Variants in GXYLT1 observed in about 807,000 individuals in gnomAD.
The protein encoded by GXYLT1 is glucoside xylosyltransferase 1.
GXYLT1 carries 29 observed loss-of-function variants against 54.0 expected under a neutral mutation model. That is an observed-to-expected ratio of 0.54 (90% CI 0.40 to 0.73). The LOEUF (loss-of-function observed/expected upper bound fraction) is 0.73. Among genes scored for constraint, GXYLT1 ranks in the 30% least tolerant of loss-of-function variants. The probability of loss-of-function intolerance (pLI) is 0.00; values close to 1 mark genes in which losing one functional copy is unlikely to be tolerated. For synonymous variants in GXYLT1, 176 were observed against 204.1 expected, an observed-to-expected ratio of 0.86 and a Z score of 1.17; for missense variants, 490 against 553.4, an observed-to-expected ratio of 0.89 and a Z score of 1.15.
At position 42,097,829 on chromosome 12, in the gene GXYLT1, C is replaced by T. The variant is rs368976930; in HGVS notation, c.988+81G>A. ...AATAATCATTAATATAAGACAGAAT[C>T]AGATAAGTGCATGTTTTCCTTTTTC... On this transcript the variant is annotated intron_variant, in intron 6 of 7. Coordinates refer to ENST00000398675, the MANE Select transcript of GXYLT1 (RefSeq NM_173601.2). 6.6e-5 allele frequency: 73 copies of T among 1,112,336 alleles called. No homozygotes were observed. In the African/African-American group the frequency reaches 1.1e-3, roughly 16 times the overall value. The allele number at this position is 1,112,336 out of a possible 1,614,324, so 68.9% of individuals were successfully genotyped here. A position where few individuals can be genotyped will look rare whatever the true frequency, so the allele number is the denominator to read the frequency against.
At chr12:42,141,533 T>C (rs558847419) in intron 1 of GXYLT1, among the ~76,000 whole-genome samples, 6 of 151,994 alleles carry the variant, frequency 3.9e-5, no homozygotes, top group South Asian at 4.1e-4. Flanking sequence ...AGTAGATCTT[T>C]AGTGCTTTCA....
intron 3 of GXYLT1, among the ~76,000 whole-genome samples, chr12:42,115,880 T>C (rs1406395033): frequency 3.1e-5 from 4 of 129,718 alleles, no homozygotes; most frequent in Admixed American, 7.8e-5. Context: ...CTTCAAACTA[T>C]ACTACAAGGC....
Position 42,105,855 on chromosome 12 carries a change from A to G in GXYLT1, c.827T>C (p.Leu276Ser). Residue 276 changes from leucine (L) to serine (S), a missense_variant, in exon 5 of 8, where the codon TTG (leucine) becomes TCG (serine). Coordinates refer to ENST00000398675, the MANE Select transcript of GXYLT1 (RefSeq NM_173601.2). ...GKTGVNSGVM[L>S]MNMTRMRRKY... ...CCTTCTCATTCGAGTCATGTTCATC[A>G]ACATAACTCCAGAGTTTACTCCAGT... is the stretch of plus-strand genomic sequence containing the variant. 1 of 1,613,320 alleles carries G rather than the reference A, an allele frequency of 6.2e-7. No homozygotes were observed. Among genetic ancestry groups the G allele is most frequent in the East Asian group, 2.2e-5 (1 of 44,848 alleles).
Position 42,106,077 on chromosome 12 carries a change from GA to G in GXYLT1, c.613-9del, listed in dbSNP as rs763218838. The G allele has an allele frequency of 1.4e-4, 196 of 1,436,668 alleles. No homozygotes were observed. Among genetic ancestry groups the G allele is most frequent in the Non-Finnish European group, 1.7e-4 (190 of 1,085,940 alleles). 89.0% of individuals were successfully genotyped at this position (1,436,668 alleles called of 1,614,324 possible). ...AACTTCTTTCAGGATTAACTACAAG[GA>G]GAGATATTTGAATGATTAACTATAA... On this transcript the variant is annotated splice_polypyrimidine_tract_variant and intron_variant, in intron 4 of 7. Coordinates refer to ENST00000398675, the MANE Select transcript of GXYLT1 (RefSeq NM_173601.2).
In GXYLT1 at chr12:42,109,646, G is replaced by A. The variant is rs865867684; in HGVS notation, c.532C>T (p.Pro178Ser). 3 of 1,576,204 alleles carry A rather than the reference G, an allele frequency of 1.9e-6. No individual in the cohort carries two copies. The highest frequency in any genetic ancestry group is 2.6e-6 in the Non-Finnish European group (3 of 1,155,160). ...GCATTCTCACTTGGAAAGGTTATGG[G>A]GTATAACGTATAATTAAATGTTTGT... ...FLQTFNYTLY[P>S]ITFPSENAAE... is the part of the protein sequence containing the mutation. The change falls in exon 4 of 8, where the codon CCC becomes TCC. Residue 178 changes from proline (P) to serine (S), a missense_variant. Pro to Ser is a moderately conservative substitution (Grantham distance 74). This residue lies in a region of GXYLT1 where 342 missense variants were observed against 342.6 expected (regional missense o/e 1.00). Coordinates refer to ENST00000398675, the MANE Select transcript of GXYLT1 (RefSeq NM_173601.2).
chr12:42,144,054 T>C (rs1196790041), intron 1 of GXYLT1, among the ~76,000 whole-genome samples: 1 of 152,156 alleles, frequency 6.6e-6, no homozygotes, highest in Non-Finnish European at 1.5e-5. Flanking sequence ...CAGCCTCATG[T>C]TTAAATATCT....
chr12:42,097,697 A>T, intron 6 of GXYLT1, 83 bp from the exon 7 acceptor site: 5 of 1,272,168 alleles, frequency 3.9e-6, no homozygotes, highest in Non-Finnish European at 5.5e-6. Flanking sequence ...CAGTTAAAAA[A>T]TACAGCTCTT....
At chr12:42,128,969 C>A (rs1301793553) in intron 2 of GXYLT1, among the ~76,000 whole-genome samples, 1 of 152,158 alleles carries the variant, frequency 6.6e-6, no homozygotes, top group East Asian at 1.9e-4. Flanking sequence ...AGCCACCATA[C>A]CCAACCTAGA....
chr12:42,116,355 G>A (rs1421856437), intron 3 of GXYLT1, among the ~76,000 whole-genome samples: 1 of 152,128 alleles, frequency 6.6e-6, no homozygotes, highest in African/African-American at 2.4e-5. Flanking sequence ...CCTACAGAAT[G>A]GGAGAAAATT....
At chr12:42,123,584 CTTATT>C (rs1360293285) in intron 2 of GXYLT1, among the ~76,000 whole-genome samples, 4 of 134,670 alleles carry the variant, frequency 3.0e-5, no homozygotes, top group South Asian at 2.3e-4. Flanking sequence ...GAATTGACTT[CTTATT>C]TTAAGTAAAT....
chr12:42,084,424 T>G lies in GXYLT1; in HGVS notation c.*3362A>C, dbSNP rs962150492. On this transcript the variant is annotated 3_prime_UTR_variant, in exon 8 of 8. Coordinates refer to ENST00000398675, the MANE Select transcript of GXYLT1 (RefSeq NM_173601.2). The stretch of plus-strand genomic sequence containing the variant: ...ACTGGAGATATATGTCAGAAAACAT[T>G]CAGCCTGAGTAAACTGAACGCTCTG... 1 of 152,352 alleles carries G rather than the reference T, an allele frequency of 6.6e-6. No individual in the cohort carries two copies. The highest frequency in any genetic ancestry group is 2.4e-5 in the African/African-American group (1 of 41,494). 9.4% of individuals were successfully genotyped at this position (152,352 alleles called of 1,614,324 possible).
At chr12:42,105,393 G>C (rs2065413271) in intron 5 of GXYLT1, among the ~76,000 whole-genome samples, 1 of 152,178 alleles carries the variant, frequency 6.6e-6, no homozygotes, top group South Asian at 2.1e-4. Flanking sequence ...CATTGGTAGT[G>C]CTATCATTTC....
In GXYLT1 at chr12:42,082,134, G is replaced by A. The variant is rs1481145522; in HGVS notation, c.*5652C>T. 3.3e-5 allele frequency: 5 copies of A among 152,168 alleles called. No individual in the cohort carries two copies. The highest frequency in any genetic ancestry group is 7.4e-5 in the Non-Finnish European group (5 of 68,022). 9.4% of individuals were successfully genotyped at this position (152,168 alleles called of 1,614,324 possible). A position where few individuals can be genotyped will look rare whatever the true frequency, so the allele number is the denominator to read the frequency against. ...AGTATACAATGATGCCTTCCTGCAG[G>A]TTTAGAACTATTACTACTCAAAATA... On this transcript the variant is annotated 3_prime_UTR_variant, in exon 8 of 8. Transcript: ENST00000398675.
At position 42,109,798 on chromosome 12, in the gene GXYLT1, C is replaced by T. The variant is rs148990698; in HGVS notation, c.487-107G>A. On this transcript the variant is annotated intron_variant, in intron 3 of 7. Coordinates refer to ENST00000398675, the MANE Select transcript of GXYLT1 (RefSeq NM_173601.2). ...AAGAGCTAAAAATTAAGATAATATA[C>T]ATTTTATGCTGTAAAATTAAAGGAA... 717 of 631,680 alleles carry T rather than the reference C, an allele frequency of 1.1e-3. 2 individuals carry two copies. The highest frequency in any genetic ancestry group is 9.7e-3 in the African/African-American group (496 of 51,274). The allele number at this position is 631,680 out of a possible 1,614,324, so 39.1% of individuals were successfully genotyped here. A position where few individuals can be genotyped will look rare whatever the true frequency, so the allele number is the denominator to read the frequency against.
chr12:42,097,508 C>T lies in GXYLT1; in HGVS notation c.1095G>A (p.Gly365=). 1 of 1,610,946 alleles carries T rather than the reference C, an allele frequency of 6.2e-7. No individual in the cohort carries two copies. Among genetic ancestry groups the T allele is most frequent in the Non-Finnish European group, 8.5e-7 (1 of 1,178,782 alleles). The change falls in exon 7 of 8, where the codon GGG becomes GGA. Residue 365 remains glycine, a synonymous_variant. Coordinates refer to ENST00000398675, the MANE Select transcript of GXYLT1 (RefSeq NM_173601.2). ...TATCGTCATGGTAAACACCTCTGTT[C>T]CCATGAAGAATAAAGATTCCTCCTT... ...AEEGGIFILH[G]NRGVYHDDKQ...
At chr12:42,139,406 T>C (rs2065639142) in intron 1 of GXYLT1, among the ~76,000 whole-genome samples, 1 of 152,130 alleles carries the variant, frequency 6.6e-6, no homozygotes, top group South Asian at 2.1e-4. Flanking sequence ...AACATGATGT[T>C]AGGAGGTAGG....
At chr12:42,096,905 T>A (rs1379314992) in intron 7 of GXYLT1, among the ~76,000 whole-genome samples, 1 of 152,064 alleles carries the variant, frequency 6.6e-6, no homozygotes, top group Non-Finnish European at 1.5e-5. Context: ...CTATACAGAA[T>A]TCTGAGCAGG....
intron 5 of GXYLT1, among the ~76,000 whole-genome samples, chr12:42,103,021 C>A (rs1390214895): frequency 6.6e-6 from 1 of 151,756 alleles, no homozygotes; most frequent in Admixed American, 6.6e-5. Context: ...AGTGCAGTGG[C>A]CCAATATCAG....
intron 4 of GXYLT1, among the ~76,000 whole-genome samples, chr12:42,108,218 T>G (rs1257850425): frequency 6.6e-6 from 1 of 152,242 alleles, no homozygotes; most frequent in Non-Finnish European, 1.5e-5. Context: ...ACAATTAAAC[T>G]TGTTAATAAA....
Sources: allele counts gnomAD v4.1 joint callset (sites outside exome capture counted in the v4.1 genomes callset), GRCh38; gene constraint gnomAD v4.1.1; regional missense constraint gnomAD v4.1.1; transcripts MANE v1.5; gene names NCBI Gene and HGNC (gene_info 2026-07-23, HGNC 2026-07-21).